The following ANO1 variants were observed in gnomAD, a reference collection of about 807,000 sequenced individuals.
The protein encoded by ANO1 is anoctamin 1.
In ANO1, 59 loss-of-function variants were observed where a neutral mutation model predicts 124.0. The ratio of observed to expected loss-of-function variants is 0.48; its 90% CI spans 0.39 to 0.59. ANO1 has a LOEUF of 0.59. Ranked by LOEUF, ANO1 falls within the 20% of genes least tolerant of loss-of-function variation. The probability of loss-of-function intolerance (pLI) is 0.00; values close to 1 mark genes in which losing one functional copy is unlikely to be tolerated. For synonymous variants in ANO1, 529 were observed against 532.0 expected, an observed-to-expected ratio of 0.99 and a Z score of 0.08; for missense variants, 1,059 against 1,328.0, an observed-to-expected ratio of 0.80 and a Z score of 3.15.
At chr11:70,124,453 C>A in intron 9 of ANO1, 39 bp downstream of exon 9, 2 of 1,594,362 alleles carry the variant, frequency 1.3e-6, no homozygotes, top group Non-Finnish European at 1.7e-6. Flanking sequence ...CAAGTCCCTA[C>A]TCCGATGGCA....
At chr11:70,118,816 T>C (rs1171289649) in intron 8 of ANO1, among the ~76,000 whole-genome samples, 1 of 150,100 alleles carries the variant, frequency 6.7e-6, no homozygotes, top group Non-Finnish European at 1.5e-5. Flanking sequence ...AAGGGATGAA[T>C]GGTGGATGAT....
intron 1 of ANO1, among the ~76,000 whole-genome samples, chr11:69,995,642 A>T (rs11236030): frequency 0.51 from 76,826 of 151,858 alleles, 19,713 homozygotes; most frequent in South Asian, 0.63. Flanking sequence ...TCTTCTCATT[A>T]TTCAGCTGGG....
intron 1 of ANO1, among the ~76,000 whole-genome samples, chr11:70,010,969 C>T (rs1344035560): frequency 6.6e-6 from 1 of 152,230 alleles, no homozygotes; most frequent in Non-Finnish European, 1.5e-5. Context: ...CTCACTACTG[C>T]ACACCCAGTG....
At chr11:70,124,524 T>C in intron 9 of ANO1, 110 bp downstream of exon 9, 1 of 1,176,422 alleles carries the variant, frequency 8.5e-7, no homozygotes, top group South Asian at 1.3e-5. Context: ...GGAACGTGTT[T>C]GAACTCAAAG....
At chr11:70,035,010 T>G (rs1249393097) in intron 1 of ANO1, among the ~76,000 whole-genome samples, 11 of 151,914 alleles carry the variant, frequency 7.2e-5, no homozygotes, top group African/African-American at 2.4e-4. Flanking sequence ...CCAAGTGGGC[T>G]CCTATGTTGG....
chr11:70,147,122 G>A (rs973578142), intron 11 of ANO1, among the ~76,000 whole-genome samples: 3 of 152,234 alleles, frequency 2.0e-5, no homozygotes, highest in East Asian at 1.9e-4. Context: ...CAGCCCTCCC[G>A]GGCAGTGCTC....
At chr11:70,132,360 TG>T (rs1284771419) in intron 11 of ANO1, among the ~76,000 whole-genome samples, 1 of 152,118 alleles carries the variant, frequency 6.6e-6, no homozygotes, top group Non-Finnish European at 1.5e-5. Context: ...CAGGGTATGC[TG>T]GCCTGTGAAG....
chr11:70,085,120 C>T (rs888128420), intron 1 of ANO1, among the ~76,000 whole-genome samples: 9 of 152,134 alleles, frequency 5.9e-5, no homozygotes, highest in African/African-American at 2.2e-4. Context: ...GTAACCCGGG[C>T]TCTCCTGCCC....
rs749715005 is a variant in ANO1 at position 70,187,911 on chromosome 11, C to A, written c.2868C>A (p.Asp956Glu). The A allele has an allele frequency of 1.3e-6, 2 of 1,590,174 alleles. No homozygotes were observed. Among genetic ancestry groups the A allele is most frequent in the East Asian group, 2.3e-5 (1 of 43,636 alleles). ...GGATGGAGAAGGAGCGGCAGAAGGA[C>A]GAGCCGCCGTGCAACCACCACAACA... ...ETWMEKERQK[D>E]EPPCNHHNTK... The change falls in exon 26 of 26, where the codon GAC (aspartate) becomes GAA (glutamate). Residue 956 changes from aspartate to glutamate, a missense_variant. Coordinates refer to ENST00000355303, the MANE Select transcript of ANO1 (RefSeq NM_018043.7).
intron 1 of ANO1, among the ~76,000 whole-genome samples, chr11:70,080,443 C>G (rs2044166982): frequency 1.3e-5 from 2 of 152,136 alleles, no homozygotes; most frequent in African/African-American, 4.8e-5. Context: ...AAAGGTGGGA[C>G]CATGGAGGTA....
intron 1 of ANO1, among the ~76,000 whole-genome samples, chr11:70,032,473 G>C (rs1338398816): frequency 6.6e-6 from 1 of 152,058 alleles, no homozygotes; most frequent in African/African-American, 2.4e-5. Flanking sequence ...CCCTGGGTGG[G>C]GAGAGGAGAT....
intron 1 of ANO1, among the ~76,000 whole-genome samples, chr11:70,054,044 A>G (rs1394446188): frequency 6.6e-6 from 1 of 152,030 alleles, no homozygotes; most frequent in Non-Finnish European, 1.5e-5. Context: ...CTTTCTTGTT[A>G]TCTATCATTT....
chr11:70,098,407 C>T (rs1452453275), intron 2 of ANO1, among the ~76,000 whole-genome samples: 2 of 152,208 alleles, frequency 1.3e-5, no homozygotes, highest in African/African-American at 2.4e-5. Flanking sequence ...GGTGCCTGGC[C>T]TGCTGTGCAC....
At chr11:70,090,007 G>T (rs549085851) in intron 2 of ANO1, among the ~76,000 whole-genome samples, 1 of 149,364 alleles carries the variant, frequency 6.7e-6, no homozygotes, top group East Asian at 2.0e-4. Context: ...TTGTTTGTTT[G>T]TTTGTTTGTT....
At chr11:69,977,400 C>T in the ANO1 span, among the ~76,000 whole-genome samples, 1 of 152,238 alleles carries the variant, frequency 6.6e-6, no homozygotes, top group Non-Finnish European at 1.5e-5. Flanking sequence ...AAGCTCCCTG[C>T]TTGCAGCGAG....
Position 70,067,323 on chromosome 11 carries a change from G to GT in ANO1, c.59-11197dup, listed in dbSNP as rs71046572. 1.9e-3 allele frequency among the ~76,000 whole-genome samples: 242 copies of GT among 126,502 alleles called. 2 individuals carry two copies. Among genetic ancestry groups the GT allele is most frequent in the Non-Finnish European group, 2.9e-3 (175 of 60,066 alleles). 83.0% of individuals were successfully genotyped at this position (126,502 alleles called of 152,430 possible). ...TCCAAGGGGACAAGGAATCGTGGGTGTTTTTTTTTTTTTTTTTTTTTTGAG... is the reference window on the plus strand; with the variant it reads ...TCCAAGGGGACAAGGAATCGTGGGTGTTTTTTTTTTTTTTTTTTTTTTTGAG... On this transcript the variant is annotated intron_variant, in intron 1 of 27. Coordinates refer to the ANO1 transcript ENST00000531349.
At chr11:70,186,649 G>A (rs1239006361) in intron 25 of ANO1, among the ~76,000 whole-genome samples, 1 of 152,164 alleles carries the variant, frequency 6.6e-6, no homozygotes, top group Non-Finnish European at 1.5e-5. Flanking sequence ...ACCGGCAGCT[G>A]AGGTCCCAGA....
chr11:70,175,821 G>A (rs1187274125), intron 22 of ANO1, among the ~76,000 whole-genome samples: 1 of 152,128 alleles, frequency 6.6e-6, no homozygotes, highest in Non-Finnish European at 1.5e-5. Flanking sequence ...GTAAAAATGA[G>A]GCAATTTTCC....
chr11:70,167,433 G>A, intron 21 of ANO1, 46 bp downstream of exon 21: 2 of 1,572,828 alleles, frequency 1.3e-6, no homozygotes, highest in South Asian at 1.2e-5. Flanking sequence ...ATAGAAACAG[G>A]CCAGCATGCC....
Sources: allele counts gnomAD v4.1 joint callset (sites outside exome capture counted in the v4.1 genomes callset), GRCh38; gene constraint gnomAD v4.1.1; transcripts MANE v1.5; gene names NCBI Gene and HGNC (gene_info 2026-07-23, HGNC 2026-07-21).